The following BCAS3 variants were observed in gnomAD, a reference collection of about 807,000 sequenced individuals.
BCAS3 encodes BCAS3 microtubule associated cell migration factor, also known as BCAS4/BCAS3 fusion.
In BCAS3, 53 loss-of-function variants were observed where a neutral mutation model predicts 116.1. The observed-to-expected ratio is 0.46, with a 90% CI of 0.37 to 0.57. The LOEUF (loss-of-function observed/expected upper bound fraction) is 0.57. Among genes scored for constraint, BCAS3 ranks in the 20% least tolerant of loss-of-function variants. BCAS3 has a pLI of 0.00. For synonymous variants in BCAS3, 391 were observed against 408.2 expected (o/e 0.96, Z 0.51); for missense variants, 917 against 1,165.4 (o/e 0.79, Z 3.10).
intron 14 of BCAS3, among the ~76,000 whole-genome samples, chr17:60,981,023 A>G (rs375872383): frequency 6.6e-6 from 1 of 151,860 alleles, no homozygotes; most frequent in Admixed American, 6.6e-5. Flanking sequence ...TTTTGTAGAG[A>G]CAGGTCCTTG....
At chr17:61,236,230 G>C (rs752247969) in intron 22 of BCAS3, among the ~76,000 whole-genome samples, 20 of 152,188 alleles carry the variant, frequency 1.3e-4, no homozygotes, top group Non-Finnish European at 2.4e-4. Flanking sequence ...TTTTCGTGGT[G>C]TTCTGTAGGA....
chr17:60,882,259 A>C (rs991051456), intron 9 of BCAS3, among the ~76,000 whole-genome samples: 2 of 151,672 alleles, frequency 1.3e-5, no homozygotes, highest in African/African-American at 4.9e-5. Flanking sequence ...GTGTCTGTTC[A>C]TGTCCTTTGC....
At chr17:60,737,881 G>A (rs540439607) in intron 5 of BCAS3, among the ~76,000 whole-genome samples, 3 of 151,932 alleles carry the variant, frequency 2.0e-5, no homozygotes, top group Admixed American at 6.6e-5. Flanking sequence ...TTGCCTCTTC[G>A]GTTCAAGCGA....
At chr17:61,054,423 G>A (rs535400310) in intron 19 of BCAS3, among the ~76,000 whole-genome samples, 4 of 152,118 alleles carry the variant, frequency 2.6e-5, no homozygotes, top group East Asian at 1.9e-4. Context: ...CTGGAGTGCC[G>A]TGGCATGATC....
At chr17:61,185,902 C>T (rs1171080311) in intron 22 of BCAS3, among the ~76,000 whole-genome samples, 1 of 152,066 alleles carries the variant, frequency 6.6e-6, no homozygotes, top group Admixed American at 6.6e-5. Context: ...GCTAAGAAAG[C>T]CTTCATTTTT....
chr17:61,345,713 C>T (rs1457098902), intron 22 of BCAS3, among the ~76,000 whole-genome samples: 1 of 151,906 alleles, frequency 6.6e-6, no homozygotes, highest in East Asian at 1.9e-4. Context: ...TTACGGTGGA[C>T]TTAGTGAGGG....
chr17:60,689,666 T>A lies in BCAS3; in HGVS notation c.139-20T>A. The stretch of plus-strand genomic sequence containing the variant: ...AAGCTGTAAAATATGTTTATTCAAA[T>A]GTTTCTGTTTACTATGCAGGCTTAC... On this transcript the variant is annotated intron_variant, in intron 3 of 23. Transcript: ENST00000407086. 1 of 1,542,830 alleles carries A rather than the reference T, an allele frequency of 6.5e-7. No homozygotes were observed. Among genetic ancestry groups the A allele is most frequent in the Non-Finnish European group, 8.9e-7 (1 of 1,123,234 alleles).
chr17:61,385,622 A>G (rs780341020), intron 23 of BCAS3, among the ~76,000 whole-genome samples: 6 of 152,226 alleles, frequency 3.9e-5, no homozygotes, highest in South Asian at 2.1e-4. Flanking sequence ...TCTCAAAGCC[A>G]GGCACTGGGC....
rs1386716105 is a variant in BCAS3, at chr17:61,346,667, G to T, written c.2426-21660G>T. Among the ~76,000 whole-genome samples, 1 of 152,204 alleles carries T rather than the reference G, an allele frequency of 6.6e-6. No individual in the cohort carries two copies. Among genetic ancestry groups the T allele is most frequent in the Non-Finnish European group, 1.5e-5 (1 of 68,040 alleles). On this transcript the variant is annotated intron_variant, in intron 22 of 23. Transcript: ENST00000407086. The surrounding 1 kb of genome is among the most constrained non-coding windows in gnomAD (Gnocchi z 5.4). Reference sequence around the variant, plus strand: ...ACAGAACAAGGGCCTTGAAGCCTGAGCCTTTAACCATTTCCTATACTGCCT... The same window carrying T: ...ACAGAACAAGGGCCTTGAAGCCTGATCCTTTAACCATTTCCTATACTGCCT...
chr17:61,054,819 A>T (rs1411134040), intron 19 of BCAS3, among the ~76,000 whole-genome samples: 2 of 152,096 alleles, frequency 1.3e-5, no homozygotes, highest in East Asian at 3.9e-4. Flanking sequence ...ATGACTTGCT[A>T]TTTTTCAGAT....
At chr17:61,277,976 C>G (rs2050911206) in intron 22 of BCAS3, among the ~76,000 whole-genome samples, 1 of 152,218 alleles carries the variant, frequency 6.6e-6, no homozygotes, top group South Asian at 2.1e-4. Context: ...TCCAACAATT[C>G]CACACCCAGG....
rs998246172 is a variant in BCAS3, at chr17:61,363,513, T to C, written c.2426-4814T>C. On this transcript the variant is annotated intron_variant, in intron 22 of 23. Transcript: ENST00000407086. The surrounding 1 kb of genome is among the most constrained non-coding windows in gnomAD (Gnocchi z 4.9). Reference sequence around the variant, plus strand: ...ATGGAAACCTATACAATGGTGATCATTGTTGCTTCCCATAGTTTGGTGAAG... The same window carrying C: ...ATGGAAACCTATACAATGGTGATCACTGTTGCTTCCCATAGTTTGGTGAAG... Among the ~76,000 whole-genome samples the C allele has an allele frequency of 1.3e-5, 2 of 152,066 alleles. No individual in the cohort carries two copies. The highest frequency in any genetic ancestry group is 4.8e-5 in the African/African-American group (2 of 41,394).
chr17:61,234,606 T>C (rs2144457380), intron 22 of BCAS3, among the ~76,000 whole-genome samples: 1 of 152,250 alleles, frequency 6.6e-6, no homozygotes, highest in South Asian at 2.1e-4. Context: ...TAGAAGCAGA[T>C]TAACACCTAC....
chr17:60,993,026 C>T lies in BCAS3; in HGVS notation c.1486+2791C>T, dbSNP rs1365782994. On this transcript the variant is annotated intron_variant, in intron 15 of 23. Coordinates refer to ENST00000407086, the MANE Select transcript of BCAS3 (RefSeq NM_017679.5). The surrounding 1 kb of genome is among the most constrained non-coding windows in gnomAD (Gnocchi z 4.2). ...CTTTGTGATCCCTACATTTATATGT[C>T]TTTGGAAGATATTTCCTTGAGCTTC... 6.6e-6 allele frequency among the ~76,000 whole-genome samples: 1 copy of T among 152,134 alleles called. No individual in the cohort carries two copies. The highest frequency in any genetic ancestry group is 1.9e-4 in the East Asian group (1 of 5,192).
At chr17:60,742,371 G>T (rs2041636762) in intron 5 of BCAS3, among the ~76,000 whole-genome samples, 1 of 145,048 alleles carries the variant, frequency 6.9e-6, no homozygotes, top group Admixed American at 6.8e-5. Flanking sequence ...AAAAAACACA[G>T]AACACAAAGT....
chr17:60,810,732 T>C, intron 7 of BCAS3: 2 of 664,510 alleles, frequency 3.0e-6, no homozygotes, highest in Admixed American at 1.9e-5. Context: ...GCAAGGTCAC[T>C]GATGACACCA....
At chr17:60,901,807 T>TA (rs754045974) in intron 10 of BCAS3, among the ~76,000 whole-genome samples, 14 of 152,232 alleles carry the variant, frequency 9.2e-5, no homozygotes, top group Non-Finnish European at 1.9e-4. Context: ...CCAGAGGTTC[T>TA]AAAAAACTCA....
At chr17:61,252,406 C>G (rs1179618165) in intron 22 of BCAS3, among the ~76,000 whole-genome samples, 2 of 152,174 alleles carry the variant, frequency 1.3e-5, no homozygotes, top group African/African-American at 4.8e-5. Context: ...GTTCCAGCTT[C>G]TTGACCACAC....
At position 61,199,927 on chromosome 17, in the gene BCAS3, C is replaced by T. The variant is rs1308234271; in HGVS notation, c.2425+115363C>T. On this transcript the variant is annotated intron_variant, in intron 22 of 23. Transcript: ENST00000407086. This position sits in a 1 kb window ranked among gnomAD's most constrained non-coding sequence, Gnocchi z 4.6. ...GGTTATAGGTCTCTTGCTTTTTGAT[C>T]TTTCTTGGTTCTTTAGTTTTTGCCT... is the stretch of plus-strand genomic sequence containing the variant. 6.6e-6 allele frequency among the ~76,000 whole-genome samples: 1 copy of T among 152,124 alleles called. No homozygotes were observed. The highest frequency in any genetic ancestry group is 6.6e-5 in the Admixed American group (1 of 15,264).
Sources: gnomAD v4.1 joint callset for allele counts (sites outside exome capture counted in the v4.1 genomes callset) on GRCh38, gnomAD v4.1.1 for gene constraint, Gnocchi (gnomAD v3.1) non-coding constraint, MANE v1.5 for transcripts, NCBI Gene and HGNC (gene_info 2026-07-23, HGNC 2026-07-21) for gene names.